NBAS: variants seen among roughly 807,000 people sequenced by gnomAD.
NBAS encodes NAG/BC035112 fusion.
A neutral mutation model predicts 302.5 loss-of-function variants in NBAS; 219 were observed. The ratio of observed to expected loss-of-function variants is 0.72; its 90% CI spans 0.65 to 0.81. The LOEUF (loss-of-function observed/expected upper bound fraction) is 0.81. NBAS is among the 30% of genes least tolerant of loss of function. The pLI, the probability that NBAS is intolerant of heterozygous loss-of-function variation, is 0.00. For synonymous variants in NBAS, 1,118 were observed against 1,021.6 expected (o/e 1.09, Z -1.80); for missense variants, 2,932 against 2,841.6 (o/e 1.03, Z -0.72).
the NBAS span, among the ~76,000 whole-genome samples, chr2:14,992,384 G>A: frequency 6.6e-6 from 1 of 152,008 alleles, no homozygotes; most frequent in African/African-American, 2.4e-5. Flanking sequence ...CTCTGCTCAG[G>A]GTATCTGACA....
At chr2:15,242,989 G>C (rs1169908814) in intron 44 of NBAS, among the ~76,000 whole-genome samples, 1 of 152,102 alleles carries the variant, frequency 6.6e-6, no homozygotes, top group Non-Finnish European at 1.5e-5. Context: ...GAAGGGGGTG[G>C]AGGGACTGAG....
chr2:15,385,521 A>G (rs1201197552), intron 28 of NBAS, among the ~76,000 whole-genome samples: 1 of 152,240 alleles, frequency 6.6e-6, no homozygotes, highest in African/African-American at 2.4e-5. Flanking sequence ...TCAGTAAATA[A>G]GAATCAAGAG....
At chr2:14,838,933 G>A in the NBAS span, among the ~76,000 whole-genome samples, 1 of 152,116 alleles carries the variant, frequency 6.6e-6, no homozygotes, top group East Asian at 1.9e-4. Context: ...AATATGTCCA[G>A]TTTCAGCAGA....
chr2:15,195,663 A>G lies in NBAS; in HGVS notation c.6433-5260T>C, dbSNP rs60590193. Among the ~76,000 whole-genome samples the G allele has an allele frequency of 8.8e-3, 1,339 of 152,262 alleles. 25 individuals are homozygous for G. Among genetic ancestry groups the G allele is most frequent in the African/African-American group, 0.031 (1,274 of 41,538 alleles). ...TCTCTAAAATAATTGGTTGCAGCAG[A>G]TATCAGGGAAAGGCAGTCTCCCAAT... On this transcript the variant is annotated intron_variant, in intron 48 of 51. Coordinates refer to ENST00000281513, the MANE Select transcript of NBAS (RefSeq NM_015909.4).
At chr2:14,783,318 T>TTA in the NBAS span, among the ~76,000 whole-genome samples, 285 of 151,618 alleles carry the variant, frequency 1.9e-3, 2 homozygotes, top group African/African-American at 6.7e-3. Flanking sequence ...AATTCTTTTT[T>TTA]TTATTATTAT....
At chr2:15,434,464 G>A (rs546376673) in intron 21 of NBAS, among the ~76,000 whole-genome samples, 4 of 152,288 alleles carry the variant, frequency 2.6e-5, no homozygotes, top group South Asian at 4.1e-4. Context: ...GAATCCTCAA[G>A]TATAATTTCA....
In NBAS at chr2:15,553,549, T is replaced by G. The variant is rs150140624; in HGVS notation, c.288-76A>C. 2.3e-6 allele frequency: 3 copies of G among 1,288,658 alleles called. No individual in the cohort carries two copies. The African/African-American group carries it at 4.4e-5, about 19-fold the overall frequency. The allele number at this position is 1,288,658 out of a possible 1,614,324, so 79.8% of individuals were successfully genotyped here. On this transcript the variant is annotated intron_variant, in intron 4 of 51. Transcript: ENST00000281513. ...GCAGTTTTCAGCACAGATGGAATTA[T>G]TTAATAAGTTAAAAATCATTTTTAA...
the NBAS span, among the ~76,000 whole-genome samples, chr2:14,957,503 G>A: frequency 6.6e-6 from 1 of 152,156 alleles, no homozygotes; most frequent in South Asian, 2.1e-4. Flanking sequence ...CAGTTTGAGG[G>A]TGAAGACACT....
At chr2:14,801,986 G>C in the NBAS span, among the ~76,000 whole-genome samples, 9 of 146,798 alleles carry the variant, frequency 6.1e-5, no homozygotes, top group East Asian at 4.0e-4. Context: ...TGTTCACTCT[G>C]ATGGTAGTTT....
At chr2:14,952,364 T>C in the NBAS span, among the ~76,000 whole-genome samples, 1 of 152,248 alleles carries the variant, frequency 6.6e-6, no homozygotes, top group Non-Finnish European at 1.5e-5. Context: ...ACAAAGATTA[T>C]TTTTCCCCTT....
At chr2:15,477,862 G>T (rs1189353504) in intron 13 of NBAS, among the ~76,000 whole-genome samples, 3 of 152,066 alleles carry the variant, frequency 2.0e-5, no homozygotes, top group Non-Finnish European at 4.4e-5. Flanking sequence ...GGAAATGTAT[G>T]CAAAGACAAA....
intron 10 of NBAS, among the ~76,000 whole-genome samples, chr2:15,508,868 T>A (rs954502282): frequency 1.3e-5 from 2 of 151,952 alleles, no homozygotes; most frequent in Admixed American, 1.3e-4. Flanking sequence ...CCGGGCATGA[T>A]GGGGGGTGCC....
chr2:15,380,553 T>A (rs1019877363), intron 29 of NBAS, among the ~76,000 whole-genome samples: 10 of 137,238 alleles, frequency 7.3e-5, no homozygotes, highest in South Asian at 2.4e-4. Flanking sequence ...ATAACATACA[T>A]ATTAAAAATT....
the NBAS span, among the ~76,000 whole-genome samples, chr2:14,962,651 A>T: frequency 6.6e-6 from 1 of 152,176 alleles, no homozygotes; most frequent in Non-Finnish European, 1.5e-5. Context: ...AGGGTATAAA[A>T]GTCTCCCAGG....
At chr2:15,036,735 C>CA in the NBAS span, among the ~76,000 whole-genome samples, 1 of 152,180 alleles carries the variant, frequency 6.6e-6, no homozygotes, top group South Asian at 2.1e-4. Context: ...ATTTGGTACT[C>CA]ACGCAGCTCC....
chr2:14,876,313 A>G, the NBAS span, among the ~76,000 whole-genome samples: 3 of 152,284 alleles, frequency 2.0e-5, no homozygotes, highest in South Asian at 6.2e-4. Context: ...CAAGTAGATT[A>G]ACAGAACTAG....
chr2:15,359,097 C>G (rs199625338), intron 32 of NBAS, among the ~76,000 whole-genome samples: 2 of 152,176 alleles, frequency 1.3e-5, no homozygotes, highest in East Asian at 1.9e-4. Flanking sequence ...AAAAGCCCAA[C>G]AGAACCTTCT....
the NBAS span, among the ~76,000 whole-genome samples, chr2:14,801,969 G>C: frequency 1.4e-5 from 2 of 145,352 alleles, no homozygotes; most frequent in Admixed American, 1.4e-4. Context: ...CCATTTTGTA[G>C]GTTGCCTGTT....
At chr2:14,895,381 T>C in the NBAS span, among the ~76,000 whole-genome samples, 1 of 152,226 alleles carries the variant, frequency 6.6e-6, no homozygotes, top group African/African-American at 2.4e-5. Flanking sequence ...AAAGAATTTA[T>C]GATTAAGACC....
Sources: gnomAD v4.1 joint callset for allele counts (sites outside exome capture counted in the v4.1 genomes callset) on GRCh38, gnomAD v4.1.1 for gene constraint, MANE v1.5 for transcripts, NCBI Gene and HGNC (gene_info 2026-07-23, HGNC 2026-07-21) for gene names.